CFAP20DC: variants seen among roughly 807,000 people sequenced by gnomAD.
CFAP20DC encodes CFAP20 domain containing.
CFAP20DC carries 84 observed loss-of-function variants against 101.7 expected under a neutral mutation model. The ratio of observed to expected loss-of-function variants is 0.83; its 90% CI spans 0.69 to 0.99. The LOEUF (loss-of-function observed/expected upper bound fraction) is 0.99, where lower values mean the gene tolerates loss of function less well. Ranked by LOEUF, CFAP20DC falls within the 50% of genes least tolerant of loss-of-function variation. The probability of loss-of-function intolerance (pLI) is 0.00; values close to 1 mark genes in which losing one functional copy is unlikely to be tolerated. For synonymous variants in CFAP20DC, 359 were observed against 351.2 expected, an observed-to-expected ratio of 1.02 and a Z score of -0.25; for missense variants, 1,007 against 970.3, an observed-to-expected ratio of 1.04 and a Z score of -0.50.
chr3:58,866,790 T>C, intron 10 of CFAP20DC, 102 bp from the exon 11 acceptor site: 1 of 732,802 alleles, frequency 1.4e-6, no homozygotes. Context: ...TATTTGATCA[T>C]TTAAAAGCAA....
intron 10 of CFAP20DC, among the ~76,000 whole-genome samples, chr3:58,867,094 G>T (rs905778719): frequency 3.3e-5 from 5 of 152,084 alleles, no homozygotes; most frequent in African/African-American, 9.7e-5. Flanking sequence ...TAAGAAAATG[G>T]ATCTTAAGGC....
At position 58,817,532 on chromosome 3, in the gene CFAP20DC, G is replaced by T. The variant is rs1170064687; in HGVS notation, c.2176-11076C>A. Among the ~76,000 whole-genome samples, 3 of 145,452 alleles carry T rather than the reference G, an allele frequency of 2.1e-5. No individual in the cohort carries two copies. The East Asian group carries it at 6.1e-4, about 30-fold the overall frequency. The stretch of plus-strand genomic sequence containing the variant: ...AGCCGATGCGATCAACTGGAAGAAA[G>T]GGTATCAGCAATGGAAGATGAAATG... On this transcript the variant is annotated intron_variant, in intron 14 of 16. Coordinates refer to ENST00000482387, the MANE Select transcript of CFAP20DC (RefSeq NM_001394063.1).
At chr3:58,978,475 G>A (rs1405898595) in intron 4 of CFAP20DC, among the ~76,000 whole-genome samples, 7 of 152,124 alleles carry the variant, frequency 4.6e-5, no homozygotes, top group African/African-American at 1.2e-4. Context: ...TTGGGAGGCC[G>A]AGTTGGGCAG....
At chr3:58,832,345 G>T (rs1477981972) in intron 13 of CFAP20DC, among the ~76,000 whole-genome samples, 1 of 152,100 alleles carries the variant, frequency 6.6e-6, no homozygotes, top group Admixed American at 6.5e-5. Context: ...AGGTTTGCTG[G>T]GAGCTCTACA....
At chr3:58,985,018 AG>A (rs1306173724) in intron 4 of CFAP20DC, among the ~76,000 whole-genome samples, 9 of 152,104 alleles carry the variant, frequency 5.9e-5, no homozygotes. Context: ...CTCCTGCCTC[AG>A]CCTCCTGAGT....
intron 12 of CFAP20DC, among the ~76,000 whole-genome samples, chr3:58,856,568 T>C (rs140172721): frequency 1.0e-3 from 154 of 152,286 alleles, no homozygotes; most frequent in African/African-American, 3.5e-3. Context: ...AGGATGTTCA[T>C]ATGGTTGAAG....
At chr3:58,877,539 C>T (rs2080852678) in intron 7 of CFAP20DC, among the ~76,000 whole-genome samples, 1 of 152,192 alleles carries the variant, frequency 6.6e-6, no homozygotes. Context: ...GATTTCATGA[C>T]TGCAGAAGAA....
At chr3:58,807,736 G>A (rs1007202826) in intron 14 of CFAP20DC, among the ~76,000 whole-genome samples, 3 of 152,236 alleles carry the variant, frequency 2.0e-5, no homozygotes, top group African/African-American at 7.2e-5. Context: ...CGAGTTGCGA[G>A]AAGAAGGCTT....
intron 11 of CFAP20DC, among the ~76,000 whole-genome samples, chr3:58,865,058 GA>G (rs1291483765): frequency 6.7e-6 from 1 of 149,926 alleles, no homozygotes; most frequent in African/African-American, 2.5e-5. Flanking sequence ...ATGACAGTAG[GA>G]AAAAGGTGAG....
chr3:58,920,423 C>T (rs1486460819), intron 5 of CFAP20DC, among the ~76,000 whole-genome samples: 1 of 152,062 alleles, frequency 6.6e-6, no homozygotes, highest in Non-Finnish European at 1.5e-5. Context: ...TGTTTCCCAT[C>T]TTAGGGAGTA....
chr3:58,740,665 A>G (rs1400061283), downstream of CFAP20DC, among the ~76,000 whole-genome samples: 1 of 152,090 alleles, frequency 6.6e-6, no homozygotes, highest in Non-Finnish European at 1.5e-5. This position sits in a 1 kb window ranked among gnomAD's most constrained non-coding sequence, Gnocchi z 4.6. Context: ...GGGGCATTTG[A>G]GGCATTCCTG....
chr3:58,852,299 T>C (rs1331608194), intron 12 of CFAP20DC, among the ~76,000 whole-genome samples: 1 of 152,054 alleles, frequency 6.6e-6, no homozygotes, highest in African/African-American at 2.4e-5. Context: ...CTATCCTAAA[T>C]ATATATGCAA....
downstream of CFAP20DC, among the ~76,000 whole-genome samples, chr3:58,741,546 G>GT (rs1559531035): frequency 6.6e-6 from 1 of 151,664 alleles, no homozygotes; most frequent in Non-Finnish European, 1.5e-5. Context: ...GCCCAGGCTG[G>GT]AGTACAGTGG....
At chr3:58,824,682 C>T (rs1004988296) in intron 14 of CFAP20DC, 35 of 152,200 alleles carry the variant, frequency 2.3e-4, no homozygotes, top group African/African-American at 7.5e-4. Flanking sequence ...TCACCATATG[C>T]CTGCAGTTTT....
intron 4 of CFAP20DC, among the ~76,000 whole-genome samples, chr3:58,968,039 T>A (rs543677979): frequency 6.6e-6 from 1 of 152,320 alleles, no homozygotes; most frequent in East Asian, 1.9e-4. Flanking sequence ...AAAGACATGA[T>A]CTTGTTCTTT....
intron 4 of CFAP20DC, among the ~76,000 whole-genome samples, chr3:59,034,044 T>C (rs866706349): frequency 6.6e-6 from 1 of 152,144 alleles, no homozygotes; most frequent in African/African-American, 2.4e-5. Context: ...GGGGCCAATA[T>C]TCAATATTCT....
chr3:59,011,142 A>G (rs2093572281), intron 4 of CFAP20DC, among the ~76,000 whole-genome samples: 1 of 152,222 alleles, frequency 6.6e-6, no homozygotes, highest in Admixed American at 6.5e-5. Flanking sequence ...TCACGCCTGT[A>G]ATCCCAGCAC....
chr3:58,743,461 G>A (rs974783491), intron 16 of CFAP20DC, among the ~76,000 whole-genome samples: 3 of 152,118 alleles, frequency 2.0e-5, no homozygotes, highest in African/African-American at 7.2e-5. Context: ...GGCTCAGGTA[G>A]AAAGAGGTAA....
intron 15 of CFAP20DC, among the ~76,000 whole-genome samples, chr3:58,776,002 A>G (rs1307747680): frequency 2.0e-5 from 3 of 152,004 alleles, no homozygotes; most frequent in East Asian, 1.9e-4. Context: ...TTGGCCTCCT[A>G]AAGTGCTGGG....
Sources: gnomAD v4.1 joint callset for allele counts (sites outside exome capture counted in the v4.1 genomes callset) on GRCh38, gnomAD v4.1.1 for gene constraint, Gnocchi (gnomAD v3.1) non-coding constraint, MANE v1.5 for transcripts, NCBI Gene and HGNC (gene_info 2026-07-23, HGNC 2026-07-21) for gene names.